The following LRRC4C variants were observed in gnomAD, a reference collection of about 807,000 sequenced individuals.
LRRC4C encodes the protein leucine-rich repeat-containing protein 4C.
Under a neutral mutation model 33.6 loss-of-function variants are expected in LRRC4C, and 5 were observed. The ratio of observed to expected loss-of-function variants is 0.15; its 90% CI spans 0.08 to 0.31. The LOEUF is 0.31. LRRC4C is among the 10% of genes least tolerant of loss of function. The probability of loss-of-function intolerance (pLI) is 1.00; values close to 1 mark genes in which losing one functional copy is unlikely to be tolerated. For synonymous variants in LRRC4C, 329 were observed against 302.0 expected (o/e 1.09, Z -0.93); for missense variants, 560 against 796.7 (o/e 0.70, Z 3.58).
intron 3 of LRRC4C, among the ~76,000 whole-genome samples, chr11:40,556,434 C>T (rs533525138): frequency 2.8e-4 from 43 of 152,334 alleles, no homozygotes; most frequent in African/African-American, 9.1e-4. Context: ...GAGACACTAT[C>T]ATTCACTGGT....
chr11:40,816,516 T>C (rs898206053), intron 2 of LRRC4C, among the ~76,000 whole-genome samples: 3 of 152,192 alleles, frequency 2.0e-5, no homozygotes, highest in East Asian at 1.9e-4. Context: ...AAAGCAAGAA[T>C]GATAACCACT....
chr11:41,075,028 T>TTTTTTTTTTA (rs1565359506), intron 1 of LRRC4C, among the ~76,000 whole-genome samples: 2 of 30,824 alleles, frequency 6.5e-5, no homozygotes, highest in Non-Finnish European at 1.3e-4. Flanking sequence ...TTTTTTTTTT[T>TTTTTTTTTTA]TTTTTTTTAT....
intron 3 of LRRC4C, among the ~76,000 whole-genome samples, chr11:40,423,928 A>G (rs978695964): frequency 1.3e-5 from 2 of 152,178 alleles, no homozygotes; most frequent in Admixed American, 6.5e-5. Context: ...ATGTATACAT[A>G]CCTTTTATAT....
At chr11:40,371,929 C>CT (rs1565323815) in intron 3 of LRRC4C, among the ~76,000 whole-genome samples, 3 of 152,058 alleles carry the variant, frequency 2.0e-5, no homozygotes, top group Non-Finnish European at 4.4e-5. Flanking sequence ...AGGGCAGGAG[C>CT]GGCTATGGGA....
chr11:40,357,322 C>T (rs571047942), intron 3 of LRRC4C, among the ~76,000 whole-genome samples: 4 of 152,086 alleles, frequency 2.6e-5, no homozygotes, highest in Non-Finnish European at 4.4e-5. Flanking sequence ...AGAACAGGGG[C>T]GTGCTTTCTG....
chr11:41,171,676 T>TA (rs1386277898), intron 1 of LRRC4C, among the ~76,000 whole-genome samples: 2 of 151,870 alleles, frequency 1.3e-5, no homozygotes, highest in South Asian at 2.1e-4. Context: ...AATAAAATTT[T>TA]AAAAAAAGAT....
At chr11:41,077,809 C>T (rs973087515) in intron 1 of LRRC4C, among the ~76,000 whole-genome samples, 3 of 152,332 alleles carry the variant, frequency 2.0e-5, no homozygotes, top group African/African-American at 7.2e-5. Context: ...CATGGTCACA[C>T]CGCAAATTTT....
intron 2 of LRRC4C, among the ~76,000 whole-genome samples, chr11:40,842,105 G>T (rs565858385): frequency 4.6e-5 from 7 of 152,136 alleles, no homozygotes; most frequent in Non-Finnish European, 1.0e-4. Flanking sequence ...AGGTTATTAC[G>T]CAGTTGGACT....
At chr11:40,808,603 G>A (rs569697796) in intron 2 of LRRC4C, among the ~76,000 whole-genome samples, 1 of 152,202 alleles carries the variant, frequency 6.6e-6, no homozygotes, top group South Asian at 2.1e-4. Context: ...GAGCACAGCT[G>A]GAAAAATTCA....
intron 1 of LRRC4C, among the ~76,000 whole-genome samples, chr11:41,155,374 T>C (rs10837590): frequency 0.048 from 7,381 of 152,252 alleles, 202 homozygotes; most frequent in East Asian, 0.07. Context: ...GTTATTGGAA[T>C]CCATTTGTCT....
chr11:40,401,907 T>C (rs957347269), intron 3 of LRRC4C, among the ~76,000 whole-genome samples: 5 of 152,136 alleles, frequency 3.3e-5, no homozygotes, highest in African/African-American at 1.2e-4. Context: ...GTAGTTTATA[T>C]ATATGTAAAA....
At chr11:41,373,395 A>G (rs888232499) in intron 1 of LRRC4C, among the ~76,000 whole-genome samples, 1 of 152,302 alleles carries the variant, frequency 6.6e-6, no homozygotes, top group South Asian at 2.1e-4. Context: ...AATGTAGTAC[A>G]TTGTAAAACT....
intron 1 of LRRC4C, among the ~76,000 whole-genome samples, chr11:41,279,221 T>C (rs1313886684): frequency 6.6e-6 from 1 of 152,166 alleles, no homozygotes; most frequent in African/African-American, 2.4e-5. Context: ...GATGGGCATC[T>C]AGGTTGATTC....
intron 1 of LRRC4C, among the ~76,000 whole-genome samples, chr11:40,948,261 G>A (rs1958502864): frequency 6.6e-6 from 1 of 152,076 alleles, no homozygotes; most frequent in South Asian, 2.1e-4. Flanking sequence ...CATATTCATT[G>A]AAGAAATGCT....
chr11:40,990,115 T>C (rs1294769765), intron 1 of LRRC4C, among the ~76,000 whole-genome samples: 2 of 150,506 alleles, frequency 1.3e-5, no homozygotes, highest in Non-Finnish European at 1.5e-5. Context: ...CTGAGGGTGA[T>C]TGTAATTTCT....
At chr11:40,267,399 T>C (rs1942354382) in intron 4 of LRRC4C, among the ~76,000 whole-genome samples, 1 of 152,184 alleles carries the variant, frequency 6.6e-6, no homozygotes, top group Non-Finnish European at 1.5e-5. Flanking sequence ...TCACCCAGGC[T>C]GGAGTGCAGT....
chr11:41,420,216 A>T (rs569801034), intron 1 of LRRC4C, among the ~76,000 whole-genome samples: 4 of 152,074 alleles, frequency 2.6e-5, no homozygotes, highest in African/African-American at 9.6e-5. Context: ...GAATGTCTAC[A>T]TCATTTCTCC....
At chr11:40,676,014 G>A (rs1418282282) in intron 2 of LRRC4C, among the ~76,000 whole-genome samples, 1 of 152,048 alleles carries the variant, frequency 6.6e-6, no homozygotes, top group Non-Finnish European at 1.5e-5. Flanking sequence ...CAAATCCCAG[G>A]AGTTACTAAC....
intron 2 of LRRC4C, among the ~76,000 whole-genome samples, chr11:40,813,660 C>T (rs1404704994): frequency 6.6e-6 from 1 of 152,060 alleles, no homozygotes. Context: ...ACTTAAGAGT[C>T]CACAGTCCAA....
Sources: allele counts gnomAD v4.1 joint callset (sites outside exome capture counted in the v4.1 genomes callset), GRCh38; gene constraint gnomAD v4.1.1; transcripts MANE v1.5; gene names NCBI Gene and HGNC (gene_info 2026-07-23, HGNC 2026-07-21).